SORCS1: variants seen among roughly 807,000 people sequenced by gnomAD.
The protein encoded by SORCS1 is VPS10 domain-containing receptor SorCS1.
Under a neutral mutation model 146.1 loss-of-function variants are expected in SORCS1, and 60 were observed. The observed-to-expected ratio is 0.41, with a 90% CI of 0.33 to 0.51. The LOEUF (loss-of-function observed/expected upper bound fraction) is 0.51, where lower values mean the gene tolerates loss of function less well. Among genes scored for constraint, SORCS1 ranks in the 20% least tolerant of loss-of-function variants. The pLI is 0.21. For missense variants in SORCS1, 1,352 were observed against 1,487.6 expected (o/e 0.91, Z 1.50); for synonymous variants, 637 against 584.0 (o/e 1.09, Z -1.31).
intron 18 of SORCS1, among the ~76,000 whole-genome samples, chr10:106,630,642 T>C (rs1172817007): frequency 6.6e-6 from 1 of 152,240 alleles, no homozygotes; most frequent in Non-Finnish European, 1.5e-5. Flanking sequence ...TACCTTCCTG[T>C]CTTAAAGAGT....
intron 2 of SORCS1, among the ~76,000 whole-genome samples, chr10:106,910,283 T>TTGTGTGTGTGTGTGTGTG (rs141789814): frequency 6.8e-6 from 1 of 146,036 alleles, no homozygotes; most frequent in African/African-American, 2.5e-5. Context: ...TCTCTTTACA[T>TTGTGTGTGTGTGTGTGTG]TGTGTGTGTG....
At chr10:107,062,413 A>G (rs1442614340) in intron 1 of SORCS1, among the ~76,000 whole-genome samples, 1 of 151,986 alleles carries the variant, frequency 6.6e-6, no homozygotes, top group East Asian at 1.9e-4. Context: ...TTTAGGTTAT[A>G]ATTACAGTTA....
Position 106,760,394 on chromosome 10 carries a change from A to C in SORCS1, c.959+1194T>G, listed in dbSNP as rs573725144. On this transcript the variant is annotated intron_variant, in intron 5 of 25. Coordinates refer to ENST00000263054, the MANE Select transcript of SORCS1 (RefSeq NM_052918.5). ...GGGAGGCAGAGCTTGCAGTGAGCTG[A>C]GATCAGACCACTGCACTCCAGCCTG... 1.4e-4 allele frequency among the ~76,000 whole-genome samples: 21 copies of C among 145,830 alleles called. No individual in the cohort carries two copies. The South Asian group carries it at 4.3e-3, about 30-fold the overall frequency.
chr10:106,578,802 C>T lies in SORCS1; in HGVS notation c.3371+567G>A, dbSNP rs992974652. 1.3e-5 allele frequency: 16 copies of T among 1,251,634 alleles called. No homozygotes were observed. In the African/African-American group the frequency reaches 1.8e-4, roughly 14 times the overall value. The allele number at this position is 1,251,634 out of a possible 1,614,324, so 77.5% of individuals were successfully genotyped here. A position where few individuals can be genotyped will look rare whatever the true frequency, so the allele number is the denominator to read the frequency against. On this transcript the variant is annotated intron_variant, in intron 25 of 25. Coordinates refer to ENST00000263054, the MANE Select transcript of SORCS1 (RefSeq NM_052918.5). ...ATACTATTAAAGCAAATGCTTTGCT[C>T]TTTGCCCATAAACATATAACATTTT...
chr10:107,042,470 ACTACTTTTTAAGGCCATC>A (rs929144730), intron 1 of SORCS1, among the ~76,000 whole-genome samples: 2 of 152,172 alleles, frequency 1.3e-5, no homozygotes, highest in African/African-American at 4.8e-5. Flanking sequence ...TTGGGTAGTG[ACTACTTTTTAAGGCCATC>A]CTACTTCCAC....
At chr10:107,102,193 A>G (rs986172705) in intron 1 of SORCS1, among the ~76,000 whole-genome samples, 1 of 152,222 alleles carries the variant, frequency 6.6e-6, no homozygotes, top group Non-Finnish European at 1.5e-5. Flanking sequence ...TTGCATTTTA[A>G]GGACTTGTCA....
chr10:106,618,334 T>TA, intron 20 of SORCS1, 62 bp from the exon 21 acceptor site: 3 of 1,588,606 alleles, frequency 1.9e-6, no homozygotes, highest in Non-Finnish European at 2.6e-6. Flanking sequence ...ACACAGCCAC[T>TA]AACTGTGAGC....
At position 106,987,358 on chromosome 10, in the gene SORCS1, G is replaced by A. The variant is rs144644735; in HGVS notation, c.559-30778C>T. Among the ~76,000 whole-genome samples the A allele has an allele frequency of 4.4e-4, 67 of 152,320 alleles. No individual in the cohort carries two copies. In the East Asian group the frequency reaches 0.012, roughly 27 times the overall value. On this transcript the variant is annotated intron_variant, in intron 1 of 25. Transcript: ENST00000263054. ...GATCAGAAACTGAAATCCTCTCTCA[G>A]CTCTTTCAGTCTTGACAGTAGTTTC...
chr10:106,704,409 C>T (rs1054399043), intron 8 of SORCS1, among the ~76,000 whole-genome samples: 2 of 151,976 alleles, frequency 1.3e-5, no homozygotes, highest in Non-Finnish European at 2.9e-5. Flanking sequence ...AGTTTATTAC[C>T]GGCCAGGCTC....
intron 3 of SORCS1, among the ~76,000 whole-genome samples, chr10:106,813,722 C>A (rs1947594009): frequency 6.6e-6 from 1 of 152,084 alleles, no homozygotes; most frequent in Non-Finnish European, 1.5e-5. Flanking sequence ...ATCACTTGGG[C>A]CCAGGAGTTT....
At chr10:106,611,774 C>T (rs1243898795) in intron 22 of SORCS1, 137 bp downstream of exon 22, 2 of 685,384 alleles carry the variant, frequency 2.9e-6, no homozygotes, top group African/African-American at 3.6e-5. Context: ...GACATCAGGC[C>T]AGAACTTCCC....
intron 6 of SORCS1, among the ~76,000 whole-genome samples, chr10:106,718,543 G>A (rs774913924): frequency 6.6e-6 from 1 of 152,206 alleles, no homozygotes; most frequent in Non-Finnish European, 1.5e-5. Context: ...GCTCATAAAG[G>A]TAATGCAGAC....
At chr10:106,938,081 A>G (rs1199527517) in intron 2 of SORCS1, among the ~76,000 whole-genome samples, 2 of 152,206 alleles carry the variant, frequency 1.3e-5, no homozygotes, top group South Asian at 2.1e-4. Context: ...TTAGGTATCC[A>G]TCTCAACTCT....
At chr10:107,037,513 T>C (rs1958954291) in intron 1 of SORCS1, among the ~76,000 whole-genome samples, 1 of 152,242 alleles carries the variant, frequency 6.6e-6, no homozygotes, top group Admixed American at 6.5e-5. Flanking sequence ...CTTGAATAAA[T>C]ATTGGCACAT....
At chr10:106,976,770 A>G (rs1365116308) in intron 1 of SORCS1, among the ~76,000 whole-genome samples, 2 of 151,836 alleles carry the variant, frequency 1.3e-5, no homozygotes, top group Admixed American at 6.6e-5. Flanking sequence ...TTTAACTCCC[A>G]CTTATGAGTG....
At chr10:107,169,093 A>T (rs948867104), upstream of SORCS1, among the ~76,000 whole-genome samples, 5 of 152,152 alleles carry the variant, frequency 3.3e-5, no homozygotes, top group African/African-American at 1.2e-4. Flanking sequence ...CTACAGGTTA[A>T]CTGTCTCATT....
At chr10:107,145,058 A>G (rs1968195708) in intron 1 of SORCS1, among the ~76,000 whole-genome samples, 1 of 152,194 alleles carries the variant, frequency 6.6e-6, no homozygotes, top group Non-Finnish European at 1.5e-5. Flanking sequence ...TCTATCTTCC[A>G]GTGGATGCAG....
intron 1 of SORCS1, among the ~76,000 whole-genome samples, chr10:107,155,681 C>T (rs1161400902): frequency 6.6e-6 from 1 of 152,106 alleles, no homozygotes. Flanking sequence ...ATCTGCCCCA[C>T]CGACCCATCC....
At chr10:106,613,447 AGGAGTCCCCT>A (rs1306006381) in intron 21 of SORCS1, among the ~76,000 whole-genome samples, 40 of 152,320 alleles carry the variant, frequency 2.6e-4, no homozygotes, top group Non-Finnish European at 1.5e-4. Flanking sequence ...TCGCTGGCAG[AGGAGTCCCCT>A]GCGTTCCAGG....
Sources: allele counts gnomAD v4.1 joint callset (sites outside exome capture counted in the v4.1 genomes callset), GRCh38; gene constraint gnomAD v4.1.1; transcripts MANE v1.5; gene names NCBI Gene and HGNC (gene_info 2026-07-23, HGNC 2026-07-21).